Variants in HDAC2 observed in about 807,000 individuals in gnomAD.
HDAC2 encodes the protein YY1-associated factor 1.
A neutral mutation model predicts 68.5 loss-of-function variants in HDAC2; 5 were observed. The ratio of observed to expected loss-of-function variants is 0.07; its 90% confidence interval spans 0.04 to 0.15. The LOEUF (loss-of-function observed/expected upper bound fraction) is 0.15, where lower values mean the gene tolerates loss of function less well. Among genes scored for constraint, HDAC2 ranks in the 10% least tolerant of loss-of-function variants. HDAC2 has a pLI of 1.00. For synonymous variants in HDAC2, 182 were observed against 191.3 expected, an observed-to-expected ratio of 0.95 and a Z score of 0.40; for missense variants, 291 against 600.8, an observed-to-expected ratio of 0.48 and a Z score of 5.39.
intron 5 of HDAC2, among the ~76,000 whole-genome samples, chr6:113,954,470 C>CT (rs1276397169): frequency 6.6e-6 from 1 of 152,128 alleles, no homozygotes; most frequent in Non-Finnish European, 1.5e-5. Context: ...GAAAGCTGTG[C>CT]ACCAAGTCAA....
At chr6:113,962,545 C>G (rs73766806) in intron 1 of HDAC2, among the ~76,000 whole-genome samples, 1 of 152,058 alleles carries the variant, frequency 6.6e-6, no homozygotes, top group Non-Finnish European at 1.5e-5. Flanking sequence ...TATACGAATA[C>G]GCATAGCTTT....
intron 5 of HDAC2, among the ~76,000 whole-genome samples, chr6:113,954,013 C>T (rs970575132): frequency 2.6e-5 from 4 of 152,206 alleles, no homozygotes; most frequent in African/African-American, 4.8e-5. Context: ...ACTGCAGAAT[C>T]GATTAGCTGT....
chr6:113,964,527 T>C (rs1390597453), intron 1 of HDAC2, among the ~76,000 whole-genome samples: 1 of 152,118 alleles, frequency 6.6e-6, no homozygotes, highest in Non-Finnish European at 1.5e-5. Context: ...GCCTACCATG[T>C]GCCAAGCAGG....
rs1197393919 is a variant in HDAC2, at chr6:113,940,811, A to G, written c.*247T>C. The G allele has an allele frequency of 5.5e-6, 2 of 365,924 alleles. No individual in the cohort carries two copies. Among genetic ancestry groups the G allele is most frequent in the African/African-American group, 4.2e-5 (2 of 47,666 alleles). 22.7% of individuals were successfully genotyped at this position (365,924 alleles called of 1,614,324 possible). The stretch of plus-strand genomic sequence containing the variant: ...TCTTTAATAGATCAGTTTTTTTGAC[A>G]TAATAACTCACATCAATTTTAAATA... On this transcript the variant is annotated 3_prime_UTR_variant, in exon 14 of 14. Transcript: ENST00000519065.
rs2114583155 is a variant in HDAC2 at position 113,939,451 on chromosome 6, A to G, written c.*1607T>C. On this transcript the variant is annotated 3_prime_UTR_variant, in exon 14 of 14. Transcript: ENST00000519065. ...CTGTTCCCCAATAAGCTATGGAAAAATAAAAATAAAAAAAGCAAAGTTACA... is the reference window on the plus strand; with the variant it reads ...CTGTTCCCCAATAAGCTATGGAAAAGTAAAAATAAAAAAAGCAAAGTTACA... The G allele has an allele frequency of 6.6e-6, 1 of 152,300 alleles. No homozygotes were observed. Among genetic ancestry groups the G allele is most frequent in the Non-Finnish European group, 1.5e-5 (1 of 68,024 alleles). The allele number at this position is 152,300 out of a possible 1,614,324, so 9.4% of individuals were successfully genotyped here.
rs925964167 is a variant in HDAC2, at chr6:113,938,101, T to G, written c.*2957A>C. On this transcript the variant is annotated 3_prime_UTR_variant, in exon 14 of 14. Transcript: ENST00000519065. ...GGCGGAGGTTGCAGTGAGCCGAGAT[T>G]GCGCCATTGCACACCAGCCTGGGCA... The G allele has an allele frequency of 1.3e-5, 2 of 151,944 alleles. No homozygotes were observed. Among genetic ancestry groups the G allele is most frequent in the Admixed American group, 1.3e-4 (2 of 15,268 alleles). The allele number at this position is 151,944 out of a possible 1,614,324, so 9.4% of individuals were successfully genotyped here.
Position 113,959,971 on chromosome 6 carries a change from G to A in HDAC2, c.100C>T (p.His34Tyr). Reference protein sequence around the residue: ...YYGQGHPMKPHRIRMTHNLLL... With the variant: ...YYGQGHPMKPYRIRMTHNLLL... ...AAGTTATGGGTCATGCGGATTCTAT[G>A]AGGCTTCATGGGATGACCCTGTCCA... is the stretch of plus-strand genomic sequence containing the variant. Residue 34 changes from histidine to tyrosine, a missense_variant, in exon 2 of 14, where the codon CAT becomes TAT. Around this residue, in one of 2 missense-constraint regions of HDAC2, gnomAD observed 154 missense variants for 472.1 expected, o/e 0.33. Transcript: ENST00000519065. 1 of 1,594,998 alleles carries A rather than the reference G, an allele frequency of 6.3e-7. No individual in the cohort carries two copies. The highest frequency in any genetic ancestry group is 8.6e-7 in the Non-Finnish European group (1 of 1,162,906).
Position 113,956,009 on chromosome 6 carries a change from A to G in HDAC2, c.497+4T>C. ...GAAAAGAGTATCAATATAAATTAAC[A>G]TACTTTAGTAATTCAAGGATGGCAA... On this transcript the variant is annotated splice_donor_region_variant and intron_variant, in intron 5 of 13. Transcript: ENST00000519065. The G allele has an allele frequency of 6.3e-7, 1 of 1,588,170 alleles. No individual in the cohort carries two copies. Among genetic ancestry groups the G allele is most frequent in the Non-Finnish European group, 8.6e-7 (1 of 1,166,970 alleles).
intron 6 of HDAC2, among the ~76,000 whole-genome samples, chr6:113,953,060 A>T (rs1046029517): frequency 3.3e-5 from 5 of 152,238 alleles, no homozygotes; most frequent in Admixed American, 2.6e-4. Context: ...CAACCAAAGA[A>T]AACAGCTGAG....
At chr6:113,956,230 G>A (rs984474040) in intron 4 of HDAC2, 79 bp from the exon 5 acceptor site, 6 of 1,162,692 alleles carry the variant, frequency 5.2e-6, no homozygotes, top group African/African-American at 4.7e-5. Context: ...CACTACAAGT[G>A]TATGCCATGC....
chr6:113,957,717 A>C (rs1437390659), intron 3 of HDAC2, among the ~76,000 whole-genome samples: 1 of 152,000 alleles, frequency 6.6e-6, no homozygotes, highest in Non-Finnish European at 1.5e-5. Context: ...CGAACTCCTG[A>C]CCTCAGGTAA....
intron 1 of HDAC2, among the ~76,000 whole-genome samples, chr6:113,960,648 T>C (rs748998087): frequency 2.6e-5 from 4 of 152,080 alleles, no homozygotes; most frequent in Non-Finnish European, 5.9e-5. Flanking sequence ...CGGCATCTTA[T>C]ATCACAATGT....
intron 9 of HDAC2, 105 bp downstream of exon 9, chr6:113,945,903 A>G: frequency 1.1e-6 from 1 of 881,646 alleles, no homozygotes; most frequent in East Asian, 2.4e-5. Context: ...TACTTATCAT[A>G]CTTTCAACTT....
At chr6:113,942,154 A>G (rs541416641) in intron 12 of HDAC2, among the ~76,000 whole-genome samples, 1 of 152,246 alleles carries the variant, frequency 6.6e-6, no homozygotes, top group African/African-American at 2.4e-5. Flanking sequence ...TTTAAAAATG[A>G]GAACACCAAA....
intron 6 of HDAC2, among the ~76,000 whole-genome samples, chr6:113,951,470 C>CTT (rs10715453): frequency 3.4e-5 from 4 of 117,212 alleles, no homozygotes; most frequent in African/African-American, 1.0e-4. Context: ...ACTGTAAAAT[C>CTT]TTTTTTTTTT....
chr6:113,966,009 G>C (rs1776807738), intron 1 of HDAC2, among the ~76,000 whole-genome samples: 1 of 152,214 alleles, frequency 6.6e-6, no homozygotes, highest in Middle Eastern at 3.4e-3. Context: ...TGTTTGTTTG[G>C]TAGCAGAGGA....
chr6:113,962,409 T>C (rs916487761), intron 1 of HDAC2: 6 of 796,466 alleles, frequency 7.5e-6, no homozygotes, highest in Non-Finnish European at 9.1e-6. Flanking sequence ...AAAAAAGACA[T>C]AATATGAAAT....
rs1582490276 is a variant in HDAC2, at chr6:113,956,907, C to T, written c.284-214G>A. ...TCTGTGAAAGATCATCAAATCTTATCAGGATTATCTGTGGAATATTTCTGT... is the reference window on the plus strand; with the variant it reads ...TCTGTGAAAGATCATCAAATCTTATTAGGATTATCTGTGGAATATTTCTGT... On this transcript the variant is annotated intron_variant, in intron 3 of 13. Coordinates refer to ENST00000519065, the MANE Select transcript of HDAC2 (RefSeq NM_001527.4). 5 of 472,854 alleles carry T rather than the reference C, an allele frequency of 1.1e-5. No individual in the cohort carries two copies. In the East Asian group the frequency reaches 1.7e-4, roughly 16 times the overall value. The allele number at this position is 472,854 out of a possible 1,614,324, so 29.3% of individuals were successfully genotyped here.
intron 11 of HDAC2, among the ~76,000 whole-genome samples, chr6:113,943,866 A>G (rs993408785): frequency 6.6e-6 from 1 of 152,204 alleles, no homozygotes; most frequent in Non-Finnish European, 1.5e-5. Context: ...AGACCAAAAA[A>G]AAAGTACCAA....
Sources: allele counts gnomAD v4.1 joint callset (sites outside exome capture counted in the v4.1 genomes callset), GRCh38; gene constraint gnomAD v4.1.1; regional missense constraint gnomAD v4.1.1; transcripts MANE v1.5; gene names NCBI Gene and HGNC (gene_info 2026-07-23, HGNC 2026-07-21).